PPHLN1: variants seen among roughly 807,000 people sequenced by gnomAD.
The protein encoded by PPHLN1 is periphilin 1.
PPHLN1 carries 29 observed loss-of-function variants against 51.3 expected under a neutral mutation model. The ratio of observed to expected loss-of-function variants is 0.57; its 90% CI spans 0.42 to 0.77. The LOEUF is 0.77. Ranked by LOEUF, PPHLN1 falls within the 30% of genes least tolerant of loss-of-function variation. The pLI is 0.00. For missense variants in PPHLN1, 436 were observed against 438.4 expected (o/e 0.99, Z 0.05); for synonymous variants, 147 against 147.8 (o/e 0.99, Z 0.04).
At chr12:42,365,986 G>GT (rs761085059) in intron 4 of PPHLN1, among the ~76,000 whole-genome samples, 20 of 152,044 alleles carry the variant, frequency 1.3e-4, no homozygotes, top group Non-Finnish European at 2.4e-4. Flanking sequence ...AGCTTTTGTT[G>GT]TAAGTTTTCT....
At chr12:42,394,224 A>T (rs71453354) in intron 8 of PPHLN1, among the ~76,000 whole-genome samples, 579 of 152,262 alleles carry the variant, frequency 3.8e-3, no homozygotes, top group Non-Finnish European at 7.3e-3. Flanking sequence ...ACACGTTTGT[A>T]TTAACATATT....
At chr12:42,392,367 T>A (rs1723793673) in intron 7 of PPHLN1, among the ~76,000 whole-genome samples, 1 of 152,232 alleles carries the variant, frequency 6.6e-6, no homozygotes, top group Non-Finnish European at 1.5e-5. Context: ...TTAATTAAAG[T>A]ACTTCTTTTG....
rs1219369720 is a variant in PPHLN1 at position 42,398,955 on chromosome 12, C to G, written c.870C>G (p.Arg290=). ...ELFEDSQLTT[R]SKAIASKTKE... ...TTGAAGATAGTCAGCTAACCACTCG[C>G]TCTAAAGCAATAGCATCAAAAACCA... Residue 290 remains arginine (R), a synonymous_variant, in exon 9 of 10, where the codon CGC becomes CGG. Transcript: ENST00000358314. 1 of 1,613,950 alleles carries G rather than the reference C, an allele frequency of 6.2e-7. No individual in the cohort carries two copies. The highest frequency in any genetic ancestry group is 1.7e-5 in the Admixed American group (1 of 60,010).
At chr12:42,406,176 C>T (rs949328958) in intron 9 of PPHLN1, among the ~76,000 whole-genome samples, 5 of 151,714 alleles carry the variant, frequency 3.3e-5, no homozygotes, top group Non-Finnish European at 5.9e-5. Context: ...CTCCACCTTC[C>T]GGGTTCATGC....
chr12:42,385,084 A>AC, intron 6 of PPHLN1, 88 bp downstream of exon 6: 1 of 1,336,356 alleles, frequency 7.5e-7, no homozygotes, highest in Non-Finnish European at 1.1e-6. Context: ...GAAAGTGTAT[A>AC]ACTGCTCCAT....
chr12:42,408,765 A>G (rs761921878), intron 9 of PPHLN1, among the ~76,000 whole-genome samples: 114 of 152,182 alleles, frequency 7.5e-4, no homozygotes, highest in Non-Finnish European at 1.4e-3. Flanking sequence ...AATATCTGCT[A>G]TTATTGTTTT....
intron 2 of PPHLN1, among the ~76,000 whole-genome samples, chr12:42,336,834 A>G (rs1308231399): frequency 6.6e-6 from 1 of 152,206 alleles, no homozygotes; most frequent in Non-Finnish European, 1.5e-5. Context: ...TATATTATAG[A>G]TTCATTATAT....
chr12:42,355,967 A>G (rs2074008526), intron 4 of PPHLN1, among the ~76,000 whole-genome samples: 2 of 151,186 alleles, frequency 1.3e-5, no homozygotes, highest in South Asian at 2.1e-4. Flanking sequence ...TCCTTTTGGG[A>G]AACACATTTT....
intron 9 of PPHLN1, among the ~76,000 whole-genome samples, chr12:42,424,299 AG>A (rs986307035): frequency 2.6e-5 from 4 of 152,202 alleles, no homozygotes; most frequent in African/African-American, 9.6e-5. Flanking sequence ...GAAAATTTGC[AG>A]GGTTTCTCAT....
intron 9 of PPHLN1, among the ~76,000 whole-genome samples, chr12:42,413,218 T>G (rs879379877): frequency 6.6e-6 from 1 of 152,232 alleles, no homozygotes; most frequent in Admixed American, 6.5e-5. Context: ...TTTCCCAGGT[T>G]ATCTTCTAGA....
At position 42,374,844 on chromosome 12, in the gene PPHLN1, G is replaced by GTTTT; in HGVS notation, c.300-9_300-6dup. On this transcript the variant is annotated intron_variant, in intron 4 of 9. Coordinates refer to ENST00000358314, the MANE Select transcript of PPHLN1 (RefSeq NM_201439.2). ...ATAGAGTATAATTAACTTATTTTAT[G>GTTTT]TTTTTTTTTTTTTCAAAGGGACATG... 6 of 1,319,318 alleles carry GTTTT rather than the reference G, an allele frequency of 4.5e-6. No individual in the cohort carries two copies. Among genetic ancestry groups the GTTTT allele is most frequent in the African/African-American group, 1.5e-5 (1 of 65,760 alleles). The allele number at this position is 1,319,318 out of a possible 1,614,324, so 81.7% of individuals were successfully genotyped here.
chr12:42,422,673 C>T (rs1396670994), intron 9 of PPHLN1, among the ~76,000 whole-genome samples: 5 of 152,236 alleles, frequency 3.3e-5, no homozygotes, highest in Middle Eastern at 3.4e-3. Context: ...AAACATGCTA[C>T]GTACTGAAAA....
intron 4 of PPHLN1, among the ~76,000 whole-genome samples, chr12:42,373,002 C>T (rs528515979): frequency 2.6e-5 from 4 of 152,328 alleles, no homozygotes; most frequent in East Asian, 1.9e-4. Context: ...TGACCCCTCA[C>T]CTGCTCCTGT....
At position 42,398,911 on chromosome 12, in the gene PPHLN1, A is replaced by G. The variant is rs369913475; in HGVS notation, c.826A>G (p.Thr276Ala). 30 of 1,614,142 alleles carry G rather than the reference A, an allele frequency of 1.9e-5. No homozygotes were observed. The highest frequency in any genetic ancestry group is 2.3e-5 in the Non-Finnish European group (27 of 1,179,988). The change falls in exon 9 of 10, where the codon ACA (threonine) becomes GCA (alanine). Residue 276 changes from threonine (T) to alanine (A), a missense_variant. Coordinates refer to ENST00000358314, the MANE Select transcript of PPHLN1 (RefSeq NM_201439.2). ...DQPEEPESNT[T>A]HGIELFEDSQ... ...GCCAGAGGAACCTGAGTCAAACACA[A>G]CACATGGGATAGAATTATTTGAAGA...
At position 42,344,396 on chromosome 12, in the gene PPHLN1, C is replaced by T. The variant is rs377183446; in HGVS notation, c.73-7489C>T. Among the ~76,000 whole-genome samples the T allele has an allele frequency of 4.6e-5, 7 of 152,286 alleles. No homozygotes were observed. In the South Asian group the frequency reaches 1.2e-3, roughly 27 times the overall value. Reference sequence around the variant, plus strand: ...TCCCAAAGGAGAAATCGACTATCAGCTTCATTGCCAATCTTGTTTTGTCTA... The same window carrying T: ...TCCCAAAGGAGAAATCGACTATCAGTTTCATTGCCAATCTTGTTTTGTCTA... On this transcript the variant is annotated intron_variant, in intron 2 of 9. Transcript: ENST00000358314.
intron 5 of PPHLN1, among the ~76,000 whole-genome samples, chr12:42,379,001 C>T (rs1298495377): frequency 1.4e-5 from 2 of 146,662 alleles, no homozygotes; most frequent in African/African-American, 5.2e-5. Context: ...TGATACTTTC[C>T]TAGGTAAAAT....
chr12:42,358,627 A>G (rs1437741106), intron 4 of PPHLN1, among the ~76,000 whole-genome samples: 1 of 152,106 alleles, frequency 6.6e-6, no homozygotes, highest in Non-Finnish European at 1.5e-5. Context: ...GATGGTCTTG[A>G]ACTCCTGGGC....
intron 9 of PPHLN1, among the ~76,000 whole-genome samples, chr12:42,430,545 A>T (rs2081953273): frequency 6.6e-6 from 1 of 151,938 alleles, no homozygotes; most frequent in South Asian, 2.1e-4. Flanking sequence ...GCTGGCGTGT[A>T]GAGTGCTATG....
At chr12:42,349,548 C>T (rs1396344574) in intron 2 of PPHLN1, among the ~76,000 whole-genome samples, 4 of 151,754 alleles carry the variant, frequency 2.6e-5, no homozygotes, top group African/African-American at 4.8e-5. Flanking sequence ...GGCAGAGGAC[C>T]CTGCGGCCTT....
Sources: allele counts gnomAD v4.1 joint callset (sites outside exome capture counted in the v4.1 genomes callset), GRCh38; gene constraint gnomAD v4.1.1; transcripts MANE v1.5; gene names NCBI Gene and HGNC (gene_info 2026-07-23, HGNC 2026-07-21).